FBXO34: variants seen among roughly 807,000 people sequenced by gnomAD.
FBXO34 encodes the protein F-box protein 34.
FBXO34 carries 12 observed loss-of-function variants against 24.5 expected under a neutral mutation model. The observed-to-expected ratio is 0.49, with a 90% CI of 0.31 to 0.79. The LOEUF (loss-of-function observed/expected upper bound fraction) is 0.79. Among genes scored for constraint, FBXO34 ranks in the 30% least tolerant of loss-of-function variants. FBXO34 has a pLI of 0.04. For missense variants in FBXO34, 823 were observed against 857.7 expected, an observed-to-expected ratio of 0.96 and a Z score of 0.51; for synonymous variants, 320 against 311.9, an observed-to-expected ratio of 1.03 and a Z score of -0.27.
the FBXO34 span, among the ~76,000 whole-genome samples, chr14:55,404,835 T>G: frequency 3.3e-5 from 5 of 152,170 alleles, no homozygotes; most frequent in Admixed American, 1.3e-4. Flanking sequence ...AATGTGAACT[T>G]AAGATTAGTA....
the FBXO34 span, among the ~76,000 whole-genome samples, chr14:55,379,809 A>AG: frequency 6.6e-6 from 1 of 152,218 alleles, no homozygotes; most frequent in Non-Finnish European, 1.5e-5. Flanking sequence ...TGCAACCTCC[A>AG]GCTCCCGGAT....
chr14:55,378,359 T>G, the FBXO34 span, among the ~76,000 whole-genome samples: 1 of 152,212 alleles, frequency 6.6e-6, no homozygotes, highest in African/African-American at 2.4e-5. Context: ...ATGTACAAGA[T>G]TATTTCTTGA....
intron 1 of FBXO34, among the ~76,000 whole-genome samples, chr14:55,315,796 A>T (rs1566552138): frequency 1.3e-5 from 2 of 152,324 alleles, no homozygotes; most frequent in East Asian, 3.9e-4. Flanking sequence ...TTTCACAATA[A>T]TGTGCCTTAA....
rs1403836598 is a variant in FBXO34 at position 55,284,460 on chromosome 14, C to T, written c.-11+12923C>T. The stretch of plus-strand genomic sequence containing the variant: ...CTCGGAGGTGGAGGTTGCAGTGAGC[C>T]GAGGTTGTGCCATTGCACTCCAGCC... On this transcript the variant is annotated intron_variant, in intron 1 of 1. Coordinates refer to ENST00000313833, the MANE Select transcript of FBXO34 (RefSeq NM_017943.4). Among the ~76,000 whole-genome samples, 10 of 143,808 alleles carry T rather than the reference C, an allele frequency of 7.0e-5. No individual in the cohort carries two copies. In the East Asian group the frequency reaches 1.6e-3, roughly 23 times the overall value. The allele number at this position is 143,808 out of a possible 152,430, so 94.3% of individuals were successfully genotyped here. A position where few individuals can be genotyped will look rare whatever the true frequency, so the allele number is the denominator to read the frequency against.
At position 55,323,248 on chromosome 14, in the gene FBXO34, T is replaced by TA. The variant is rs1555337942; in HGVS notation, c.-10-27132dup. ...ATATTTTTTTTTTTTTTTTTTTTTT[T>TA]AGAGACAGAGTCTCACTTATGTTGC... On this transcript the variant is annotated intron_variant, in intron 1 of 1. Coordinates refer to ENST00000313833, the MANE Select transcript of FBXO34 (RefSeq NM_017943.4). Among the ~76,000 whole-genome samples the TA allele has an allele frequency of 2.5e-3, 215 of 87,746 alleles. 10 individuals are homozygous for TA. The highest frequency in any genetic ancestry group is 3.2e-3 in the Non-Finnish European group (158 of 49,740). The allele number at this position is 87,746 out of a possible 152,430, so 57.6% of individuals were successfully genotyped here.
downstream of FBXO34, among the ~76,000 whole-genome samples, chr14:55,370,573 G>C (rs1884791080): frequency 6.6e-6 from 1 of 151,394 alleles, no homozygotes; most frequent in Non-Finnish European, 1.5e-5. Context: ...CCCTTTCTTA[G>C]GCCTCATCCT....
chr14:55,392,411 G>A, the FBXO34 span, among the ~76,000 whole-genome samples: 2 of 152,140 alleles, frequency 1.3e-5, no homozygotes, highest in African/African-American at 4.8e-5. Flanking sequence ...ACTTTGGGAA[G>A]CTGAGGCAGG....
chr14:55,391,626 A>G, the FBXO34 span, among the ~76,000 whole-genome samples: 2 of 152,168 alleles, frequency 1.3e-5, no homozygotes, highest in Non-Finnish European at 2.9e-5. Flanking sequence ...TTAAAACTCA[A>G]TTTAAATCAT....
intron 1 of FBXO34, among the ~76,000 whole-genome samples, chr14:55,313,006 A>G (rs182393652): frequency 2.0e-4 from 31 of 152,302 alleles, no homozygotes; most frequent in African/African-American, 7.0e-4. Flanking sequence ...TCACATCATC[A>G]GGCTGCAAAT....
At chr14:55,410,028 T>C in the FBXO34 span, among the ~76,000 whole-genome samples, 1 of 152,154 alleles carries the variant, frequency 6.6e-6, no homozygotes, top group African/African-American at 2.4e-5. Flanking sequence ...ATGGGATTTG[T>C]TGATGGGACT....
downstream of FBXO34, among the ~76,000 whole-genome samples, chr14:55,374,583 G>A (rs1261273258): frequency 6.6e-6 from 1 of 152,120 alleles, no homozygotes; most frequent in African/African-American, 2.4e-5. Context: ...TTTGGGTTTT[G>A]TGGCTTACTT....
chr14:55,354,203 T>G (rs936944967), downstream of FBXO34, among the ~76,000 whole-genome samples: 31 of 152,210 alleles, frequency 2.0e-4, no homozygotes, highest in African/African-American at 7.5e-4. Flanking sequence ...AGAGTGTTTT[T>G]CCTTATGACT....
chr14:55,307,005 A>G (rs1882571961), intron 1 of FBXO34, among the ~76,000 whole-genome samples: 1 of 152,200 alleles, frequency 6.6e-6, no homozygotes, highest in African/African-American at 2.4e-5. Context: ...TAATTCCGAG[A>G]TTGTTTAATA....
downstream of FBXO34, among the ~76,000 whole-genome samples, chr14:55,356,572 C>T (rs1278420734): frequency 2.6e-5 from 4 of 152,030 alleles, no homozygotes; most frequent in Admixed American, 6.5e-5. Context: ...CTTAGCCTCC[C>T]GAGTAGCTGG....
At chr14:55,382,304 T>TAATG in the FBXO34 span, 1 of 821,944 alleles carries the variant, frequency 1.2e-6, no homozygotes, top group Non-Finnish European at 1.9e-6. Flanking sequence ...CACAGAAATT[T>TAATG]TACATTAAAT....
rs199998638 is a variant in FBXO34 at position 55,331,687 on chromosome 14, GTATATATATATA to G, written c.-10-18688_-10-18677del. On this transcript the variant is annotated intron_variant, in intron 1 of 1. Transcript: ENST00000313833. ...ATGGTGTGTGTATATATATATATGT[GTATATATATATA>G]TATATGTATATATATATGTATATAT... Among the ~76,000 whole-genome samples the G allele has an allele frequency of 1.7e-4, 5 of 28,892 alleles. 2 individuals are homozygous for G. Among genetic ancestry groups the G allele is most frequent in the East Asian group, 1.4e-3 (2 of 1,422 alleles). 19.0% of individuals were successfully genotyped at this position (28,892 alleles called of 152,430 possible).
At chr14:55,429,080 T>A in the FBXO34 span, 1 of 1,382,362 alleles carries the variant, frequency 7.2e-7, no homozygotes, top group Non-Finnish European at 9.9e-7. Context: ...TCTTTCAATG[T>A]ATACTATGAA....
At chr14:55,347,942 A>G (rs926533823) in intron 1 of FBXO34, among the ~76,000 whole-genome samples, 1 of 152,206 alleles carries the variant, frequency 6.6e-6, no homozygotes, top group East Asian at 1.9e-4. Context: ...TCATTTAGGA[A>G]TGGGGTTGAA....
the FBXO34 span, among the ~76,000 whole-genome samples, chr14:55,393,452 A>G: frequency 6.6e-6 from 1 of 152,156 alleles, no homozygotes; most frequent in Non-Finnish European, 1.5e-5. Context: ...ATTACACATT[A>G]CAGAAGAAAA....
Sources: allele counts gnomAD v4.1 joint callset (sites outside exome capture counted in the v4.1 genomes callset), GRCh38; gene constraint gnomAD v4.1.1; transcripts MANE v1.5; gene names NCBI Gene and HGNC (gene_info 2026-07-23, HGNC 2026-07-21).